Variants in IMMP2L observed in about 807,000 individuals in gnomAD.
IMMP2L encodes the protein inner mitochondrial membrane peptidase subunit 2.
A neutral mutation model predicts 19.3 loss-of-function variants in IMMP2L; 18 were observed. That is an observed-to-expected ratio of 0.93 (90% CI 0.64 to 1.38). The LOEUF (loss-of-function observed/expected upper bound fraction) is 1.38. Among genes scored for constraint, IMMP2L ranks in the 40% most tolerant of loss-of-function variants. The pLI is 0.00. For synonymous variants in IMMP2L, 76 were observed against 73.0 expected (o/e 1.04, Z -0.21); for missense variants, 233 against 218.2 (o/e 1.07, Z -0.43).
chr7:111,078,501 T>C (rs1795603887), intron 3 of IMMP2L, among the ~76,000 whole-genome samples: 1 of 152,178 alleles, frequency 6.6e-6, no homozygotes, highest in Non-Finnish European at 1.5e-5. Context: ...GGAGTATCTA[T>C]ATAGTATTAA....
intron 3 of IMMP2L, among the ~76,000 whole-genome samples, chr7:111,322,470 G>A (rs1824830596): frequency 6.6e-6 from 1 of 151,658 alleles, no homozygotes; most frequent in African/African-American, 2.4e-5. Context: ...TCAATGAAAT[G>A]TTGAAGTAGA....
intron 5 of IMMP2L, among the ~76,000 whole-genome samples, chr7:110,867,145 T>G (rs1291402295): frequency 6.6e-6 from 1 of 151,956 alleles, no homozygotes; most frequent in African/African-American, 2.4e-5. Context: ...GAAATTCATT[T>G]TCTCACAGTT....
At position 111,272,912 on chromosome 7, in the gene IMMP2L, T is replaced by G. The variant is rs186983150; in HGVS notation, c.239+214326A>C. ...GAGTACAGAAATTAGCTAACTGATC[T>G]AGATGTTGGAGGAGGTGACAATGGA... On this transcript the variant is annotated intron_variant, in intron 3 of 5. Coordinates refer to ENST00000405709, the MANE Select transcript of IMMP2L (RefSeq NM_032549.4). 9.2e-5 allele frequency among the ~76,000 whole-genome samples: 14 copies of G among 152,208 alleles called. No homozygotes were observed. The East Asian group carries it at 2.5e-3, about 27-fold the overall frequency.
chr7:110,669,958 A>G (rs1216402391), intron 5 of IMMP2L, among the ~76,000 whole-genome samples: 12 of 152,220 alleles, frequency 7.9e-5, no homozygotes, highest in Admixed American at 7.9e-4. Context: ...TCTTTCCTGA[A>G]AAAATAGACT....
chr7:111,066,514 T>C (rs73418039), intron 3 of IMMP2L, among the ~76,000 whole-genome samples: 25,722 of 152,196 alleles, frequency 0.17, 2,994 homozygotes, highest in African/African-American at 0.32. Flanking sequence ...ACGTTTAAAA[T>C]AGACGGGAAC....
chr7:110,779,809 G>C (rs1025542429), intron 5 of IMMP2L, among the ~76,000 whole-genome samples: 5 of 151,738 alleles, frequency 3.3e-5, no homozygotes, highest in Non-Finnish European at 7.4e-5. Context: ...CCATCCATGT[G>C]CCATGCTGAT....
At chr7:110,838,271 T>C (rs867453601) in intron 5 of IMMP2L, among the ~76,000 whole-genome samples, 19 of 152,180 alleles carry the variant, frequency 1.2e-4, no homozygotes, top group African/African-American at 4.3e-4. Context: ...TTTGACTTAA[T>C]GCTTTATGAA....
intron 3 of IMMP2L, among the ~76,000 whole-genome samples, chr7:111,016,111 G>A (rs978454736): frequency 1.7e-4 from 26 of 151,878 alleles, no homozygotes; most frequent in African/African-American, 5.6e-4. Context: ...GATTTAGTGT[G>A]CATTGCAAAA....
intron 5 of IMMP2L, among the ~76,000 whole-genome samples, chr7:110,752,732 T>A (rs1394986072): frequency 1.3e-5 from 2 of 151,858 alleles, no homozygotes; most frequent in Non-Finnish European, 2.9e-5. Flanking sequence ...TCTGAAGGGA[T>A]GTGGGGAAGA....
intron 2 of IMMP2L, among the ~76,000 whole-genome samples, chr7:111,495,731 T>G (rs1391958600): frequency 1.3e-5 from 2 of 152,182 alleles, no homozygotes; most frequent in Non-Finnish European, 2.9e-5. Flanking sequence ...TACTATAAAT[T>G]TTTTATTCAT....
intron 4 of IMMP2L, among the ~76,000 whole-genome samples, chr7:110,940,416 C>A (rs1405712151): frequency 6.6e-6 from 1 of 151,652 alleles, no homozygotes; most frequent in Non-Finnish European, 1.5e-5. Flanking sequence ...CATTAGTAAT[C>A]AAAAAATTAT....
At chr7:111,304,455 A>G (rs1418290998) in intron 3 of IMMP2L, among the ~76,000 whole-genome samples, 2 of 151,986 alleles carry the variant, frequency 1.3e-5, no homozygotes, top group African/African-American at 4.8e-5. Flanking sequence ...AAGAGTAAAA[A>G]TTAACGTTCA....
At chr7:111,133,153 A>C (rs1177971424) in intron 3 of IMMP2L, among the ~76,000 whole-genome samples, 3 of 151,994 alleles carry the variant, frequency 2.0e-5, no homozygotes, top group African/African-American at 7.2e-5. Flanking sequence ...TGTGTACCAG[A>C]CAAAATATTA....
rs183802930 is a variant in IMMP2L, at chr7:111,267,019, C to T, written c.239+220219G>A. ...CCAGAAAGTTTGTTTCCCCAAAGGC[C>T]GCCCTTAACTGATTCAATACCATGT... On this transcript the variant is annotated intron_variant, in intron 3 of 5. Coordinates refer to ENST00000405709, the MANE Select transcript of IMMP2L (RefSeq NM_032549.4). 2.3e-4 allele frequency among the ~76,000 whole-genome samples: 35 copies of T among 152,200 alleles called. 1 individual carries two copies. In the Middle Eastern group the frequency reaches 0.01, roughly 44 times the overall value.
chr7:111,240,502 C>G (rs1445878576), intron 3 of IMMP2L, among the ~76,000 whole-genome samples: 1 of 151,920 alleles, frequency 6.6e-6, no homozygotes, highest in Non-Finnish European at 1.5e-5. Context: ...ATGTTTCAAA[C>G]CCCTTCGGTG....
At chr7:111,393,126 T>A (rs1832532828) in intron 3 of IMMP2L, among the ~76,000 whole-genome samples, 1 of 152,070 alleles carries the variant, frequency 6.6e-6, no homozygotes, top group East Asian at 1.9e-4. Flanking sequence ...CTTGGTCTGT[T>A]GGGCAACCAG....
intron 3 of IMMP2L, among the ~76,000 whole-genome samples, chr7:111,199,745 C>G (rs1586797091): frequency 6.6e-6 from 1 of 152,068 alleles, no homozygotes; most frequent in East Asian, 1.9e-4. Context: ...AAATTACAAT[C>G]TTATGAGTGC....
intron 3 of IMMP2L, among the ~76,000 whole-genome samples, chr7:110,978,937 A>G (rs181827473): frequency 3.9e-5 from 6 of 152,168 alleles, no homozygotes; most frequent in African/African-American, 1.2e-4. Context: ...GACTTTTAAA[A>G]CATTAGAAAC....
At chr7:111,023,920 A>G (rs1026787990) in intron 3 of IMMP2L, among the ~76,000 whole-genome samples, 1 of 152,210 alleles carries the variant, frequency 6.6e-6, no homozygotes, top group Non-Finnish European at 1.5e-5. Flanking sequence ...AGAATCACTA[A>G]TTTAGAGAAA....
Sources: allele counts gnomAD v4.1 joint callset (sites outside exome capture counted in the v4.1 genomes callset), GRCh38; gene constraint gnomAD v4.1.1; transcripts MANE v1.5; gene names NCBI Gene and HGNC (gene_info 2026-07-23, HGNC 2026-07-21).